Variants in GRID2 observed in about 807,000 individuals in gnomAD.
GRID2 encodes the protein glutamate ionotropic receptor delta type subunit 2.
GRID2 carries 33 observed loss-of-function variants against 114.8 expected under a neutral mutation model. That is an observed-to-expected ratio of 0.29 (90% CI 0.22 to 0.38). The LOEUF (loss-of-function observed/expected upper bound fraction) is 0.38. Among genes scored for constraint, GRID2 ranks in the 10% least tolerant of loss-of-function variants. The pLI is 1.00. For synonymous variants in GRID2, 505 were observed against 449.9 expected (o/e 1.12, Z -1.55); for missense variants, 1,184 against 1,257.7 (o/e 0.94, Z 0.89).
chr4:93,330,204 T>C (rs971277586), intron 8 of GRID2, among the ~76,000 whole-genome samples: 3 of 152,144 alleles, frequency 2.0e-5, no homozygotes, highest in African/African-American at 7.2e-5. Flanking sequence ...TAAAATAACA[T>C]AGTAGTGCAT....
chr4:92,383,053 C>T (rs1729697882), intron 1 of GRID2, among the ~76,000 whole-genome samples: 1 of 151,872 alleles, frequency 6.6e-6, no homozygotes, highest in South Asian at 2.1e-4. Flanking sequence ...ATGGCCAGAA[C>T]ATGAGGAAGA....
chr4:92,936,390 C>T (rs1750673173), intron 2 of GRID2, among the ~76,000 whole-genome samples: 1 of 146,420 alleles, frequency 6.8e-6, no homozygotes, highest in African/African-American at 2.4e-5. Flanking sequence ...ATTATACTGC[C>T]TAATTCATGA....
At chr4:93,660,493 T>TTA (rs1265769327) in intron 14 of GRID2, among the ~76,000 whole-genome samples, 3 of 152,200 alleles carry the variant, frequency 2.0e-5, no homozygotes, top group African/African-American at 7.2e-5. Context: ...CCTTATCTTA[T>TTA]TATTTTGATT....
At chr4:92,938,515 C>G (rs1227023868) in intron 2 of GRID2, among the ~76,000 whole-genome samples, 1 of 146,422 alleles carries the variant, frequency 6.8e-6, no homozygotes, top group Non-Finnish European at 1.5e-5. Flanking sequence ...AGTATAGTAA[C>G]AACCCTAGCT....
At chr4:92,736,928 A>C (rs1352242639) in intron 2 of GRID2, among the ~76,000 whole-genome samples, 1 of 152,124 alleles carries the variant, frequency 6.6e-6, no homozygotes, top group Non-Finnish European at 1.5e-5. Flanking sequence ...ATGTGCTGAG[A>C]GATGGTTGCT....
chr4:93,608,340 T>G lies in GRID2; in HGVS notation c.2194-17929T>G, dbSNP rs868384232. 1.9e-4 allele frequency among the ~76,000 whole-genome samples: 28 copies of G among 146,232 alleles called. 1 individual carries two copies. Among genetic ancestry groups the G allele is most frequent in the Middle Eastern group, 3.5e-3 (1 of 282 alleles). ...TTTTTTTTTATTATACTTTAAGTTT[T>G]AGGGTACATGTGCACATTGTGCAGG... On this transcript the variant is annotated intron_variant, in intron 13 of 15. Coordinates refer to ENST00000282020, the MANE Select transcript of GRID2 (RefSeq NM_001510.4).
intron 14 of GRID2, among the ~76,000 whole-genome samples, chr4:93,635,701 C>T (rs530580681): frequency 6.6e-6 from 1 of 151,936 alleles, no homozygotes; most frequent in African/African-American, 2.4e-5. Context: ...ACTTTTATGA[C>T]GGATATCCTA....
chr4:93,585,188 A>C (rs1370860421), intron 13 of GRID2, among the ~76,000 whole-genome samples: 1 of 152,070 alleles, frequency 6.6e-6, no homozygotes, highest in East Asian at 1.9e-4. Context: ...GTTTATTTTC[A>C]GGATCATACT....
At chr4:93,686,630 G>A (rs577638523) in intron 14 of GRID2, among the ~76,000 whole-genome samples, 7 of 152,072 alleles carry the variant, frequency 4.6e-5, no homozygotes, top group South Asian at 2.1e-4. Context: ...ATTTTAAAAC[G>A]GACAGTTAGG....
At chr4:92,480,359 A>G (rs781465322) in intron 1 of GRID2, among the ~76,000 whole-genome samples, 4 of 152,144 alleles carry the variant, frequency 2.6e-5, no homozygotes, top group African/African-American at 4.8e-5. Flanking sequence ...GAGTCAATAT[A>G]GTGTTGAAAT....
chr4:93,430,988 AT>A (rs1336914590), intron 10 of GRID2, among the ~76,000 whole-genome samples: 1 of 152,208 alleles, frequency 6.6e-6, no homozygotes, highest in Non-Finnish European at 1.5e-5. Context: ...GCAAAAAGTG[AT>A]GAGAATCTAT....
At chr4:92,879,080 T>G (rs1314334524) in intron 2 of GRID2, among the ~76,000 whole-genome samples, 1 of 152,190 alleles carries the variant, frequency 6.6e-6, no homozygotes, top group Non-Finnish European at 1.5e-5. Flanking sequence ...GCATATAGAA[T>G]TGTATGTATA....
chr4:92,917,610 A>G (rs1178489196), intron 2 of GRID2, among the ~76,000 whole-genome samples: 1 of 152,214 alleles, frequency 6.6e-6, no homozygotes, highest in African/African-American at 2.4e-5. Context: ...TCATTTATAA[A>G]TAGGGAATCC....
At chr4:93,431,855 G>A (rs1769445632) in intron 10 of GRID2, among the ~76,000 whole-genome samples, 1 of 152,180 alleles carries the variant, frequency 6.6e-6, no homozygotes, top group Non-Finnish European at 1.5e-5. Flanking sequence ...TCCTGGAACA[G>A]ATTCAACTCC....
At chr4:93,660,678 T>A (rs1185901638) in intron 14 of GRID2, among the ~76,000 whole-genome samples, 1 of 152,206 alleles carries the variant, frequency 6.6e-6, no homozygotes, top group Non-Finnish European at 1.5e-5. Flanking sequence ...TTATATGACT[T>A]GCAATCTACC....
At chr4:92,441,473 A>T (rs368551790) in intron 1 of GRID2, among the ~76,000 whole-genome samples, 7,698 of 151,602 alleles carry the variant, frequency 0.051, 246 homozygotes, top group East Asian at 0.085. Flanking sequence ...AATAATGGAT[A>T]GTAGAGGCAG....
At position 93,461,809 on chromosome 4, in the gene GRID2, G is replaced by A. The variant is rs533673738; in HGVS notation, c.1858+5835G>A. Among the ~76,000 whole-genome samples the A allele has an allele frequency of 4.1e-4, 63 of 152,200 alleles. 1 individual carries two copies. The highest frequency in any genetic ancestry group is 3.4e-3 in the Middle Eastern group (1 of 294). The stretch of plus-strand genomic sequence containing the variant: ...CTTTTGTTGTCATTTTATGTCCTCC[G>A]TTATCTCCATGTCTACATACATCTC... On this transcript the variant is annotated intron_variant, in intron 11 of 15. Transcript: ENST00000282020.
chr4:93,081,298 A>C (rs1469019202), intron 2 of GRID2, among the ~76,000 whole-genome samples: 1 of 152,230 alleles, frequency 6.6e-6, no homozygotes. Context: ...ATTTTCAGTA[A>C]GAGGTAATAA....
intron 13 of GRID2, among the ~76,000 whole-genome samples, chr4:93,585,246 T>C (rs1012989030): frequency 1.3e-5 from 2 of 152,126 alleles, no homozygotes; most frequent in Non-Finnish European, 2.9e-5. Flanking sequence ...AAGAAATCCC[T>C]CAGGATCTTG....
Sources: gnomAD v4.1 joint callset for allele counts (sites outside exome capture counted in the v4.1 genomes callset) on GRCh38, gnomAD v4.1.1 for gene constraint, MANE v1.5 for transcripts, NCBI Gene and HGNC (gene_info 2026-07-23, HGNC 2026-07-21) for gene names.